PRCC: variants seen among roughly 807,000 people sequenced by gnomAD.
PRCC encodes proline rich mitotic checkpoint control factor, also known as proline-rich protein PRCC.
Under a neutral mutation model 44.0 loss-of-function variants are expected in PRCC, and 10 were observed. That is an observed-to-expected ratio of 0.23 (90% confidence interval 0.14 to 0.39). The LOEUF is 0.39. Ranked by LOEUF, PRCC falls within the 10% of genes least tolerant of loss-of-function variation. The pLI is 1.00. For synonymous variants in PRCC, 278 were observed against 259.5 expected, an observed-to-expected ratio of 1.07 and a Z score of -0.69; for missense variants, 573 against 624.7, an observed-to-expected ratio of 0.92 and a Z score of 0.88.
At chr1:156,780,475 G>A (rs1652015924) in intron 1 of PRCC, among the ~76,000 whole-genome samples, 1 of 149,668 alleles carries the variant, frequency 6.7e-6, no homozygotes, top group African/African-American at 2.5e-5. Flanking sequence ...TAGTATTTGA[G>A]ACAAGGTCTT....
chr1:156,787,126 T>C lies in PRCC; in HGVS notation c.1035T>C (p.Asn345=). ...MPKPGDDYSY[N]QFSTYGDANA... is the part of the protein sequence containing the mutation. ...AGCCTGGGGACGACTACAGCTACAA[T>C]CAGTTTTCCACATATGGCGATGCCA... Residue 345 remains asparagine (N), a synonymous_variant, in exon 3 of 7, where the codon AAT becomes AAC. Coordinates refer to ENST00000271526, the MANE Select transcript of PRCC (RefSeq NM_005973.5). 1 of 1,613,520 alleles carries C rather than the reference T, an allele frequency of 6.2e-7. No individual in the cohort carries two copies. The highest frequency in any genetic ancestry group is 1.3e-5 in the African/African-American group (1 of 74,996).
intron 1 of PRCC, among the ~76,000 whole-genome samples, chr1:156,780,064 T>C (rs149999927): frequency 1.2e-4 from 19 of 152,056 alleles, no homozygotes; most frequent in Middle Eastern, 3.4e-3. Context: ...TTTTATTTAT[T>C]TATTTATTTT....
intron 4 of PRCC, among the ~76,000 whole-genome samples, chr1:156,794,327 T>C (rs1437012746): frequency 1.3e-5 from 2 of 152,136 alleles, no homozygotes; most frequent in Non-Finnish European, 2.9e-5. Flanking sequence ...AAAATTGATT[T>C]GGGGGTACAT....
rs771983943 is a variant in PRCC at position 156,767,911 on chromosome 1, G to A, written c.140G>A (p.Gly47Asp). The A allele has an allele frequency of 2.5e-6, 4 of 1,600,582 alleles. No homozygotes were observed. The highest frequency in any genetic ancestry group is 2.3e-5 in the South Asian group (2 of 88,712). The change falls in exon 1 of 7, where the codon GGT (glycine) becomes GAT (aspartate). Residue 47 changes from glycine to aspartate, a missense_variant. Physicochemically the swap from Gly to Asp is moderately conservative, Grantham distance 94. This residue lies in a region of PRCC where 245 missense variants were observed against 188.5 expected (regional missense o/e 1.30). Transcript: ENST00000271526. ...TTCGCTTCTCTCCCTGCGCCCAAGG[G>A]TCCGGCCTTGCTGCCTCCGCCCCCT... ...GLFASLPAPK[G>D]PALLPPPPQM...
chr1:156,788,346 G>A (rs1328505004), intron 3 of PRCC, among the ~76,000 whole-genome samples: 1 of 152,074 alleles, frequency 6.6e-6, no homozygotes, highest in African/African-American at 2.4e-5. Context: ...TTTTTTTTAT[G>A]GCTGTGTAGT....
intron 1 of PRCC, among the ~76,000 whole-genome samples, chr1:156,782,068 G>C (rs900011675): frequency 1.2e-4 from 18 of 152,216 alleles, no homozygotes; most frequent in African/African-American, 4.1e-4. Context: ...GTAATCAAGG[G>C]AGGCCAAGGC....
chr1:156,775,819 A>T (rs1651809826), intron 1 of PRCC, among the ~76,000 whole-genome samples: 1 of 151,942 alleles, frequency 6.6e-6, no homozygotes, highest in African/African-American at 2.4e-5. Context: ...AATTTTTAAA[A>T]TTTTTTGGTA....
chr1:156,799,760 T>G lies in PRCC; in HGVS notation c.1390-614T>G, dbSNP rs1652776989. Among the ~76,000 whole-genome samples the G allele has an allele frequency of 2.0e-5, 3 of 152,356 alleles. 1 individual carries two copies. Among genetic ancestry groups the G allele is most frequent in the South Asian group, 4.1e-4 (2 of 4,832 alleles). On this transcript the variant is annotated intron_variant, in intron 6 of 6. Transcript: ENST00000271526. ...AATCCCCTTTCTAGGGTGGTACTTC[T>G]ACATTCCAGAATGTGGTATAGAGCC... is the stretch of plus-strand genomic sequence containing the variant.
intron 6 of PRCC, among the ~76,000 whole-genome samples, chr1:156,797,734 T>A (rs1652707674): frequency 6.6e-6 from 1 of 151,876 alleles, no homozygotes; most frequent in South Asian, 2.1e-4. Context: ...GATGAAGAGG[T>A]TGGTTTTATA....
At chr1:156,788,354 A>G (rs917482656) in intron 3 of PRCC, among the ~76,000 whole-genome samples, 1 of 152,116 alleles carries the variant, frequency 6.6e-6, no homozygotes, top group African/African-American at 2.4e-5. Flanking sequence ...ATGGCTGTGT[A>G]GTATTCCATG....
chr1:156,773,177 CG>C, intron 1 of PRCC, among the ~76,000 whole-genome samples: 1 of 152,124 alleles, frequency 6.6e-6, no homozygotes. Context: ...GCTTAGGGGG[CG>C]TCTGTTCTTG....
intron 3 of PRCC, among the ~76,000 whole-genome samples, chr1:156,787,583 G>C (rs1279063760): frequency 7.3e-6 from 1 of 137,116 alleles, no homozygotes; most frequent in African/African-American, 2.7e-5. Flanking sequence ...CATGTCACGG[G>C]TTTGGTGTAC....
At chr1:156,791,849 C>A in intron 4 of PRCC, 57 bp downstream of exon 4, 1 of 1,483,636 alleles carries the variant, frequency 6.7e-7, no homozygotes, top group East Asian at 2.3e-5. Context: ...CATTTCAAAT[C>A]TGAAGCCAAA....
rs11403707 is a variant in PRCC, at chr1:156,771,683, G to GTT, written c.468+3455_468+3456dup. Among the ~76,000 whole-genome samples the GTT allele has an allele frequency of 1.9e-3, 264 of 135,864 alleles. 2 individuals are homozygous for GTT. Among genetic ancestry groups the GTT allele is most frequent in the Non-Finnish European group, 2.0e-3 (125 of 62,720 alleles). The allele number at this position is 135,864 out of a possible 152,430, so 89.1% of individuals were successfully genotyped here. A position where few individuals can be genotyped will look rare whatever the true frequency, so the allele number is the denominator to read the frequency against. On this transcript the variant is annotated intron_variant, in intron 1 of 6. Coordinates refer to ENST00000271526, the MANE Select transcript of PRCC (RefSeq NM_005973.5). ...GAAGCCAACTCAAGCTAGTTTAAATGTTTTTTTTTTTTCTTCTTTTTTAAA... is the reference window on the plus strand; with the variant it reads ...GAAGCCAACTCAAGCTAGTTTAAATGTTTTTTTTTTTTTTCTTCTTTTTTAAA...
intron 3 of PRCC, 41 bp from the exon 4 acceptor site, chr1:156,791,656 T>C: frequency 1.3e-6 from 2 of 1,550,602 alleles, no homozygotes; most frequent in Non-Finnish European, 1.8e-6. Context: ...TCTCCAACTG[T>C]GCCCTCAGTT....
intron 5 of PRCC, 137 bp downstream of exon 5, chr1:156,794,945 G>T (rs1652607183): frequency 9.2e-7 from 1 of 1,090,250 alleles, no homozygotes; most frequent in African/African-American, 1.6e-5. Context: ...CATGGTACTG[G>T]AGTATGCACT....
intron 1 of PRCC, among the ~76,000 whole-genome samples, chr1:156,778,129 C>T (rs1651893566): frequency 6.6e-6 from 1 of 152,054 alleles, no homozygotes; most frequent in African/African-American, 2.4e-5. Flanking sequence ...CCATGCTGTG[C>T]AATAGATCTC....
At chr1:156,783,276 C>G (rs1652113549) in intron 2 of PRCC, among the ~76,000 whole-genome samples, 1 of 152,170 alleles carries the variant, frequency 6.6e-6, no homozygotes, top group East Asian at 1.9e-4. Context: ...AAGTCCTCAA[C>G]AAGACAGTGC....
intron 4 of PRCC, among the ~76,000 whole-genome samples, chr1:156,794,336 A>G (rs1345592489): frequency 1.3e-5 from 2 of 152,182 alleles, no homozygotes; most frequent in Non-Finnish European, 2.9e-5. Flanking sequence ...TTGGGGGTAC[A>G]TGTGCCAGTT....
Sources: allele counts gnomAD v4.1 joint callset (sites outside exome capture counted in the v4.1 genomes callset), GRCh38; gene constraint gnomAD v4.1.1; regional missense constraint gnomAD v4.1.1; transcripts MANE v1.5; gene names NCBI Gene and HGNC (gene_info 2026-07-23, HGNC 2026-07-21).